MGMT: variants seen among roughly 807,000 people sequenced by gnomAD.
MGMT encodes methylated-DNA--protein-cysteine methyltransferase.
MGMT carries 14 observed loss-of-function variants against 15.9 expected under a neutral mutation model. That is an observed-to-expected ratio of 0.88 (90% CI 0.58 to 1.37). MGMT has a LOEUF of 1.37. MGMT is among the 40% of genes most tolerant of loss of function. The pLI, the probability that MGMT is intolerant of heterozygous loss-of-function variation, is 0.00. For synonymous variants in MGMT, 130 were observed against 118.2 expected, an observed-to-expected ratio of 1.10 and a Z score of -0.65; for missense variants, 282 against 268.1, an observed-to-expected ratio of 1.05 and a Z score of -0.36.
chr10:129,543,281 G>A (rs1454748397), intron 2 of MGMT, among the ~76,000 whole-genome samples: 1 of 152,194 alleles, frequency 6.6e-6, no homozygotes, highest in Non-Finnish European at 1.5e-5. Flanking sequence ...CCCTGCCGTT[G>A]TGTGATAGGA....
At chr10:129,670,540 T>C (rs1847709628) in intron 2 of MGMT, among the ~76,000 whole-genome samples, 1 of 152,046 alleles carries the variant, frequency 6.6e-6, no homozygotes, top group South Asian at 2.1e-4. Context: ...GTAATGGAAA[T>C]AAAAAAAATT....
At chr10:129,688,962 T>TTTTG (rs1847941129) in intron 2 of MGMT, among the ~76,000 whole-genome samples, 1 of 152,088 alleles carries the variant, frequency 6.6e-6, no homozygotes, top group African/African-American at 2.4e-5. Flanking sequence ...CTTTTCTATC[T>TTTTG]TTTGTTTGTT....
At chr10:129,757,832 T>A (rs985644630) in intron 3 of MGMT, among the ~76,000 whole-genome samples, 1 of 152,216 alleles carries the variant, frequency 6.6e-6, no homozygotes, top group African/African-American at 2.4e-5. Context: ...TTCAGTTAAA[T>A]TGATTCATGA....
At chr10:129,759,456 AG>A in intron 4 of MGMT, 115 bp downstream of exon 4, 1 of 1,495,048 alleles carries the variant, frequency 6.7e-7, no homozygotes, top group East Asian at 2.3e-5. Context: ...GGGTGGGCAG[AG>A]GGGCGATATC....
At chr10:129,676,105 C>T (rs887797079) in intron 2 of MGMT, among the ~76,000 whole-genome samples, 4 of 152,156 alleles carry the variant, frequency 2.6e-5, no homozygotes, top group Non-Finnish European at 4.4e-5. Flanking sequence ...CAGGAGTGGC[C>T]GTCCCACACC....
intron 2 of MGMT, among the ~76,000 whole-genome samples, chr10:129,597,335 C>T (rs1846763009): frequency 6.6e-6 from 1 of 152,122 alleles, no homozygotes; most frequent in African/African-American, 2.4e-5. Context: ...CAGTTGAGAA[C>T]CTTTGGGGAC....
rs1450393583 is a variant in MGMT, at chr10:129,476,318, G to A, written c.-13+9022G>A. The stretch of plus-strand genomic sequence containing the variant: ...ACTCCAGAAAGCCTTCAGGGTCATG[G>A]TTCTCACTTCCTCAGACATTTTTCT... On this transcript the variant is annotated intron_variant, in intron 1 of 4. Coordinates refer to ENST00000651593, the MANE Select transcript of MGMT (RefSeq NM_002412.5). 7.2e-5 allele frequency among the ~76,000 whole-genome samples: 11 copies of A among 152,242 alleles called. No individual in the cohort carries two copies. The East Asian group carries it at 2.1e-3, about 29-fold the overall frequency.
chr10:129,587,096 T>C (rs1258152848), intron 2 of MGMT, among the ~76,000 whole-genome samples: 2 of 152,222 alleles, frequency 1.3e-5, no homozygotes, highest in African/African-American at 4.8e-5. Context: ...AGAAATCTGC[T>C]GTCATCCTTA....
chr10:129,480,930 C>G (rs1845351185), intron 1 of MGMT, among the ~76,000 whole-genome samples: 1 of 152,196 alleles, frequency 6.6e-6, no homozygotes, highest in South Asian at 2.1e-4. Context: ...TTTGCGGAGC[C>G]CTCCTGGTGG....
chr10:129,606,603 T>A (rs769829708), intron 2 of MGMT, among the ~76,000 whole-genome samples: 27 of 152,246 alleles, frequency 1.8e-4, no homozygotes, highest in Non-Finnish European at 8.8e-5. Context: ...ACTAGTCATA[T>A]GGAAATTTGA....
At chr10:129,531,496 C>T (rs890048516) in intron 1 of MGMT, among the ~76,000 whole-genome samples, 2 of 152,066 alleles carry the variant, frequency 1.3e-5, no homozygotes, top group South Asian at 4.1e-4. Flanking sequence ...CAGGCATCCC[C>T]CCACCTCTCT....
intron 2 of MGMT, among the ~76,000 whole-genome samples, chr10:129,667,290 T>C (rs1368206235): frequency 2.0e-5 from 3 of 152,196 alleles, no homozygotes; most frequent in Admixed American, 1.3e-4. Flanking sequence ...TTTTTCTTTA[T>C]AGAGTTGTTG....
At chr10:129,507,588 C>A (rs1208250006) in intron 1 of MGMT, among the ~76,000 whole-genome samples, 1 of 152,102 alleles carries the variant, frequency 6.6e-6, no homozygotes, top group Non-Finnish European at 1.5e-5. Flanking sequence ...AGTCCTAGTT[C>A]CGGTGCTGGG....
chr10:129,510,671 A>C (rs1845671825), intron 1 of MGMT, among the ~76,000 whole-genome samples: 1 of 152,222 alleles, frequency 6.6e-6, no homozygotes, highest in African/African-American at 2.4e-5. Context: ...ATTCGTAAGA[A>C]ATAGATGATG....
At chr10:129,476,924 G>T (rs1433500879) in intron 1 of MGMT, among the ~76,000 whole-genome samples, 1 of 152,142 alleles carries the variant, frequency 6.6e-6, no homozygotes, top group African/African-American at 2.4e-5. Flanking sequence ...TTTGAGCTGG[G>T]CACTGGCACA....
At chr10:129,669,783 T>C (rs533485538) in intron 2 of MGMT, among the ~76,000 whole-genome samples, 64 of 152,326 alleles carry the variant, frequency 4.2e-4, no homozygotes, top group South Asian at 1.2e-3. Flanking sequence ...AATGAACAGC[T>C]GATGTTTCTT....
chr10:129,692,171 A>G (rs961957700), intron 2 of MGMT, among the ~76,000 whole-genome samples: 1 of 152,156 alleles, frequency 6.6e-6, no homozygotes, highest in Non-Finnish European at 1.5e-5. Context: ...AGCAGAGGAG[A>G]TGATACAGAC....
At chr10:129,716,578 T>C (rs2133150336) in intron 3 of MGMT, among the ~76,000 whole-genome samples, 1 of 152,230 alleles carries the variant, frequency 6.6e-6, no homozygotes, top group East Asian at 1.9e-4. Flanking sequence ...ACGTCAGGAC[T>C]TACTGCTTGC....
At chr10:129,718,432 G>A (rs554960583) in intron 3 of MGMT, among the ~76,000 whole-genome samples, 1 of 152,074 alleles carries the variant, frequency 6.6e-6, no homozygotes, top group Admixed American at 6.5e-5. Context: ...CCCACCCTGG[G>A]CAAGTGAGGT....
Sources: gnomAD v4.1 joint callset for allele counts (sites outside exome capture counted in the v4.1 genomes callset) on GRCh38, gnomAD v4.1.1 for gene constraint, MANE v1.5 for transcripts, NCBI Gene and HGNC (gene_info 2026-07-23, HGNC 2026-07-21) for gene names.